Variants in TAOK3 observed in about 807,000 individuals in gnomAD.
TAOK3 encodes serine/threonine-protein kinase TAO3.
Under a neutral mutation model 120.4 loss-of-function variants are expected in TAOK3, and 40 were observed. The observed-to-expected ratio is 0.33, with a 90% CI of 0.26 to 0.43. TAOK3 has a LOEUF of 0.43. Ranked by LOEUF, TAOK3 falls within the 20% of genes least tolerant of loss-of-function variation. The pLI is 1.00. For missense variants in TAOK3, 821 were observed against 1,112.1 expected (o/e 0.74, Z 3.72); for synonymous variants, 355 against 387.5 (o/e 0.92, Z 0.99).
At chr12:118,288,915 C>CAAAAAAAAAAAA (rs34740967) in intron 1 of TAOK3, among the ~76,000 whole-genome samples, 6 of 94,192 alleles carry the variant, frequency 6.4e-5, no homozygotes, top group East Asian at 3.2e-4. Flanking sequence ...GACTCTATCT[C>CAAAAAAAAAAAA]AAAAAAAAAA....
chr12:118,182,172 C>A (rs558717325), intron 14 of TAOK3, among the ~76,000 whole-genome samples: 2 of 151,818 alleles, frequency 1.3e-5, no homozygotes, highest in African/African-American at 4.8e-5. Flanking sequence ...GTGACAGAGA[C>A]TCTGTCTCAA....
chr12:118,351,357 G>T (rs2045144747), intron 1 of TAOK3, among the ~76,000 whole-genome samples: 1 of 152,040 alleles, frequency 6.6e-6, no homozygotes, highest in Non-Finnish European at 1.5e-5. Context: ...ATTAGTTAAG[G>T]AAGAAACATA....
intron 1 of TAOK3, among the ~76,000 whole-genome samples, chr12:118,349,059 T>A (rs1343437657): frequency 1.3e-5 from 2 of 152,000 alleles, no homozygotes; most frequent in East Asian, 3.9e-4. Context: ...ACCCAGCTAA[T>A]TTTTGTATTT....
In TAOK3 at chr12:118,150,302, C is replaced by G. The variant is rs1171619211; in HGVS notation, c.*695G>C. The G allele has an allele frequency of 6.6e-6, 1 of 152,542 alleles. No individual in the cohort carries two copies. Among genetic ancestry groups the G allele is most frequent in the Non-Finnish European group, 1.5e-5 (1 of 68,026 alleles). The allele number at this position is 152,542 out of a possible 1,614,324, so 9.4% of individuals were successfully genotyped here. A position where few individuals can be genotyped will look rare whatever the true frequency, so the allele number is the denominator to read the frequency against. On this transcript the variant is annotated 3_prime_UTR_variant, in exon 21 of 21. Transcript: ENST00000392533. ...GCAACAGCAGAAAATGATTATGATA[C>G]AATCAGAATATGCTGAAGACAAGTT...
At chr12:118,362,464 C>G (rs375964831) in intron 1 of TAOK3, among the ~76,000 whole-genome samples, 1 of 151,866 alleles carries the variant, frequency 6.6e-6, no homozygotes, top group Non-Finnish European at 1.5e-5. Flanking sequence ...CAAGTTTGCA[C>G]GTAGGAATAT....
rs1455054687 is a variant in TAOK3, at chr12:118,151,285, GCGCGCACACA to G, written c.2536-137_2536-128del. On this transcript the variant is annotated intron_variant, in intron 20 of 20. Coordinates refer to ENST00000392533, the MANE Select transcript of TAOK3 (RefSeq NM_016281.4). ...ATAGGCACACACATGAAGTGCGCGC[GCGCGCACACA>G]CACACACACACACACACACACACAG... 1,410 of 612,452 alleles carry G rather than the reference GCGCGCACACA, an allele frequency of 2.3e-3. 20 individuals are homozygous for G. The highest frequency in any genetic ancestry group is 4.5e-3 in the African/African-American group (161 of 35,614). The allele number at this position is 612,452 out of a possible 1,614,324, so 37.9% of individuals were successfully genotyped here.
At chr12:118,273,363 G>A (rs1332819769) in intron 1 of TAOK3, among the ~76,000 whole-genome samples, 1 of 152,144 alleles carries the variant, frequency 6.6e-6, no homozygotes, top group Admixed American at 6.6e-5. Context: ...TTAGCCAGGT[G>A]TGGTGGTACA....
At chr12:118,299,648 T>C (rs2042805545) in intron 1 of TAOK3, among the ~76,000 whole-genome samples, 1 of 152,070 alleles carries the variant, frequency 6.6e-6, no homozygotes, top group Non-Finnish European at 1.5e-5. Context: ...TAGCTGGGAC[T>C]AGAGGTGCAC....
chr12:118,335,561 G>A (rs1447729385), intron 1 of TAOK3, among the ~76,000 whole-genome samples: 3 of 152,166 alleles, frequency 2.0e-5, no homozygotes. Flanking sequence ...CAGGCATGGT[G>A]TCTCACGCCT....
intron 1 of TAOK3, among the ~76,000 whole-genome samples, chr12:118,294,722 TG>T (rs1194825217): frequency 6.6e-6 from 1 of 152,214 alleles, no homozygotes; most frequent in Non-Finnish European, 1.5e-5. Flanking sequence ...TAAACTTTTT[TG>T]TATCTGGCTT....
intron 11 of TAOK3, 34 bp downstream of exon 11, chr12:118,212,880 A>G: frequency 7.1e-7 from 1 of 1,413,192 alleles, no homozygotes; most frequent in Non-Finnish European, 9.9e-7. Context: ...ATGACTTTAA[A>G]TCCCCCTCCT....
chr12:118,244,674 G>A (rs189693880), intron 4 of TAOK3, among the ~76,000 whole-genome samples: 8,138 of 151,450 alleles, frequency 0.054, 452 homozygotes, highest in East Asian at 0.25. Context: ...GACTACAGGC[G>A]CCCGCCACCA....
At chr12:118,300,029 G>T (rs546501965) in intron 1 of TAOK3, among the ~76,000 whole-genome samples, 51 of 152,234 alleles carry the variant, frequency 3.4e-4, no homozygotes, top group African/African-American at 1.2e-3. Flanking sequence ...AAATAAAGCA[G>T]AATTACTGGG....
At chr12:118,229,287 G>A (rs1237973895) in intron 9 of TAOK3, among the ~76,000 whole-genome samples, 9 of 151,842 alleles carry the variant, frequency 5.9e-5, no homozygotes, top group Non-Finnish European at 1.0e-4. Flanking sequence ...TTTAGTAGAG[G>A]TGGGGTTTCA....
intron 13 of TAOK3, among the ~76,000 whole-genome samples, chr12:118,192,299 A>C (rs1458596043): frequency 6.6e-6 from 1 of 152,174 alleles, no homozygotes; most frequent in Non-Finnish European, 1.5e-5. Context: ...TATATTTTTA[A>C]AATAATGCTA....
intron 1 of TAOK3, among the ~76,000 whole-genome samples, chr12:118,307,542 T>C (rs994942183): frequency 1.3e-5 from 2 of 152,194 alleles, no homozygotes; most frequent in African/African-American, 4.8e-5. Flanking sequence ...CATTCAGTTA[T>C]TAGGTCGCAA....
chr12:118,169,023 A>C (rs901058488), intron 17 of TAOK3, among the ~76,000 whole-genome samples: 4 of 130,672 alleles, frequency 3.1e-5, no homozygotes, highest in African/African-American at 9.2e-5. Flanking sequence ...CTTTCTTTCT[A>C]TTTTTTTGAG....
chr12:118,229,046 C>G (rs1282890524), intron 9 of TAOK3, among the ~76,000 whole-genome samples: 1 of 151,990 alleles, frequency 6.6e-6, no homozygotes, highest in Non-Finnish European at 1.5e-5. Context: ...CTCAGCTTCA[C>G]TTAATCATAT....
At chr12:118,318,757 T>A (rs1015465212) in intron 1 of TAOK3, among the ~76,000 whole-genome samples, 8 of 152,130 alleles carry the variant, frequency 5.3e-5, no homozygotes, top group African/African-American at 1.9e-4. Context: ...GAAATGAATA[T>A]GTGAAAGAGA....
Sources: gnomAD v4.1 joint callset for allele counts (sites outside exome capture counted in the v4.1 genomes callset) on GRCh38, gnomAD v4.1.1 for gene constraint, MANE v1.5 for transcripts, NCBI Gene and HGNC (gene_info 2026-07-23, HGNC 2026-07-21) for gene names.